The following FRRS1 variants were observed in gnomAD, a reference collection of about 807,000 sequenced individuals.
The protein encoded by FRRS1 is ferric reductase 1.
A neutral mutation model predicts 70.7 loss-of-function variants in FRRS1; 51 were observed. The observed-to-expected ratio is 0.72, with a 90% confidence interval of 0.58 to 0.91. The LOEUF is 0.91. FRRS1 is among the 40% of genes least tolerant of loss of function. The pLI, the probability that FRRS1 is intolerant of heterozygous loss-of-function variation, is 0.00. For missense variants in FRRS1, 672 were observed against 726.0 expected (o/e 0.93, Z 0.86); for synonymous variants, 225 against 238.7 (o/e 0.94, Z 0.53).
At chr1:99,722,296 C>G (rs890588480) in intron 9 of FRRS1, among the ~76,000 whole-genome samples, 2 of 152,166 alleles carry the variant, frequency 1.3e-5, no homozygotes, top group South Asian at 2.1e-4. Context: ...GCATAAGCCA[C>G]TGTGCCTCGC....
At position 99,709,014 on chromosome 1, in the gene FRRS1, A is replaced by G; in HGVS notation, c.*14T>C. On this transcript the variant is annotated 3_prime_UTR_variant, in exon 17 of 17. Transcript: ENST00000646001. Reference sequence around the variant, plus strand: ...ATTATCACTTGGCCTGCAAAAGCCAAGGTCTTTGCTTGCTCATAGATGGTT... The same window carrying G: ...ATTATCACTTGGCCTGCAAAAGCCAGGGTCTTTGCTTGCTCATAGATGGTT... 6.2e-7 allele frequency: 1 copy of G among 1,613,956 alleles called. No individual in the cohort carries two copies.
intron 7 of FRRS1, among the ~76,000 whole-genome samples, chr1:99,735,365 A>G (rs1262041398): frequency 6.6e-5 from 10 of 152,212 alleles, no homozygotes; most frequent in Non-Finnish European, 4.4e-5. Context: ...TAACATACCA[A>G]AATAATTGCT....
intron 10 of FRRS1, among the ~76,000 whole-genome samples, chr1:99,718,823 T>C (rs1453099049): frequency 2.6e-5 from 4 of 152,222 alleles, no homozygotes; most frequent in Admixed American, 1.3e-4. Context: ...GCCACTCTTT[T>C]ATTAGCATTT....
At chr1:99,746,387 A>G (rs138086233) in intron 4 of FRRS1, among the ~76,000 whole-genome samples, 58 of 152,368 alleles carry the variant, frequency 3.8e-4, no homozygotes, top group African/African-American at 1.4e-3. Flanking sequence ...CAAGACAGCC[A>G]TCAAACCCAA....
chr1:99,749,869 G>A (rs1349804891), intron 1 of FRRS1, among the ~76,000 whole-genome samples: 1 of 152,178 alleles, frequency 6.6e-6, no homozygotes, highest in Non-Finnish European at 1.5e-5. Flanking sequence ...GTGATGAGCA[G>A]TGACATGATA....
At position 99,704,342 on chromosome 1, in the gene FRRS1, A is replaced by G. The variant is rs1214102233; in HGVS notation, c.*4686T>C. ...TCCCATTTATAAGGATGGTCAAAAC[A>G]AAAAGATACCAATGTTGGACAGCAA... On this transcript the variant is annotated 3_prime_UTR_variant, in exon 17 of 17. Transcript: ENST00000646001. 1.3e-5 allele frequency among the ~76,000 whole-genome samples: 2 copies of G among 152,212 alleles called. No individual in the cohort carries two copies. Among genetic ancestry groups the G allele is most frequent in the African/African-American group, 2.4e-5 (1 of 41,454 alleles).
In FRRS1 at chr1:99,728,521, T is replaced by C; in HGVS notation, c.978A>G (p.Ile326Met). Residue 326 changes from isoleucine (I) to methionine (M), a missense_variant, in exon 9 of 17, where the codon ATA becomes ATG. Transcript: ENST00000646001. ...CATTAGCTGCACCATCTGCTAGAAA[T>C]ATGTAATAGCTTGTGTTTAGATCAA... The part of the protein sequence containing the change: ...NRFDLNTSYY[I>M]FLADGAANDG... 1.9e-6 allele frequency: 3 copies of C among 1,612,540 alleles called. No homozygotes were observed. The highest frequency in any genetic ancestry group is 2.5e-6 in the Non-Finnish European group (3 of 1,178,706).
At chr1:99,746,395 C>T (rs1267534553) in intron 4 of FRRS1, among the ~76,000 whole-genome samples, 2 of 152,112 alleles carry the variant, frequency 1.3e-5, no homozygotes, top group Non-Finnish European at 2.9e-5. Context: ...CCATCAAACC[C>T]AAAACAATAA....
Position 99,715,686 on chromosome 1 carries a change from T to A in FRRS1, c.1237-14A>T. 2 of 1,586,740 alleles carry A rather than the reference T, an allele frequency of 1.3e-6. No homozygotes were observed. The highest frequency in any genetic ancestry group is 1.7e-6 in the Non-Finnish European group (2 of 1,155,676). On this transcript the variant is annotated splice_polypyrimidine_tract_variant and intron_variant, in intron 11 of 16. Transcript: ENST00000646001. Reference sequence around the variant, plus strand: ...CATCCGATGCACCTGCAAGGTAAAATGACAAATTAAGAAGACACTTATCCA... The same window carrying A: ...CATCCGATGCACCTGCAAGGTAAAAAGACAAATTAAGAAGACACTTATCCA...
At chr1:99,752,315 C>A (rs575611943) in intron 1 of FRRS1, among the ~76,000 whole-genome samples, 1 of 152,304 alleles carries the variant, frequency 6.6e-6, no homozygotes, top group Admixed American at 6.5e-5. Context: ...TTAATCATTT[C>A]TAGCTTTTTA....
At chr1:99,715,941 T>C (rs2100909467) in intron 11 of FRRS1, among the ~76,000 whole-genome samples, 2 of 152,338 alleles carry the variant, frequency 1.3e-5, no homozygotes, top group Middle Eastern at 6.8e-3. Flanking sequence ...GGAATGGATA[T>C]TTCACACACA....
chr1:99,732,798 A>G (rs943424959), intron 7 of FRRS1, among the ~76,000 whole-genome samples: 26 of 151,902 alleles, frequency 1.7e-4, no homozygotes, highest in African/African-American at 6.3e-4. Flanking sequence ...ATAATTCTAT[A>G]ATTACTAAAG....
chr1:99,747,336 A>G lies in FRRS1; in HGVS notation c.291T>C (p.Ile97=). The G allele has an allele frequency of 6.2e-7, 1 of 1,614,050 alleles. No homozygotes were observed. Among genetic ancestry groups the G allele is most frequent in the Non-Finnish European group, 8.5e-7 (1 of 1,179,930 alleles). ...TCAAAAGTTGTGACACTTCACTGTC[A>G]ATCAATGTGAAGGAGCCAATAGGAG... The part of the protein sequence containing the change: ...NGPPIGSFTL[I]DSEVSQLLTC... Residue 97 remains isoleucine, a synonymous_variant, in exon 4 of 17, where the codon ATT becomes ATC. Coordinates refer to ENST00000646001, the MANE Select transcript of FRRS1 (RefSeq NM_001361041.2).
At chr1:99,754,966 G>C (rs2100994831) in intron 1 of FRRS1, among the ~76,000 whole-genome samples, 1 of 152,030 alleles carries the variant, frequency 6.6e-6, no homozygotes, top group South Asian at 2.1e-4. Flanking sequence ...ATGAAAGCTG[G>C]GGAGAATTCT....
At chr1:99,733,521 A>C (rs188436188) in intron 7 of FRRS1, among the ~76,000 whole-genome samples, 8 of 152,352 alleles carry the variant, frequency 5.3e-5, no homozygotes, top group African/African-American at 1.7e-4. Context: ...AAAGTGGTGG[A>C]GACACATCAA....
At chr1:99,737,161 G>A (rs1001376944) in intron 7 of FRRS1, among the ~76,000 whole-genome samples, 29 of 152,064 alleles carry the variant, frequency 1.9e-4, no homozygotes, top group Non-Finnish European at 2.1e-4. Flanking sequence ...TGCTCCCTAG[G>A]AAAGCGAGAT....
At chr1:99,752,589 A>C (rs902579937) in intron 1 of FRRS1, among the ~76,000 whole-genome samples, 4 of 152,150 alleles carry the variant, frequency 2.6e-5, no homozygotes, top group Non-Finnish European at 5.9e-5. Context: ...AGATCACCAT[A>C]ACAGATATAA....
intron 7 of FRRS1, among the ~76,000 whole-genome samples, 173 bp from the exon 8 acceptor site, chr1:99,729,921 A>G (rs12145556): frequency 0.5 from 75,988 of 152,180 alleles, 22,860 homozygotes; most frequent in African/African-American, 0.85. Flanking sequence ...TGATTTGCGA[A>G]TAGCAAATAA....
At position 99,707,022 on chromosome 1, in the gene FRRS1, C is replaced by T. The variant is rs1167458238; in HGVS notation, c.*2006G>A. On this transcript the variant is annotated 3_prime_UTR_variant, in exon 17 of 17. Coordinates refer to ENST00000646001, the MANE Select transcript of FRRS1 (RefSeq NM_001361041.2). Reference sequence around the variant, plus strand: ...TTTAGTACACACTTAATTTGCTATACTAAATTTTTTTAATAAAGACCTTCA... The same window carrying T: ...TTTAGTACACACTTAATTTGCTATATTAAATTTTTTTAATAAAGACCTTCA... Among the ~76,000 whole-genome samples, 1 of 152,114 alleles carries T rather than the reference C, an allele frequency of 6.6e-6. No homozygotes were observed. The highest frequency in any genetic ancestry group is 2.4e-5 in the African/African-American group (1 of 41,494).
Sources: allele counts gnomAD v4.1 joint callset (sites outside exome capture counted in the v4.1 genomes callset), GRCh38; gene constraint gnomAD v4.1.1; transcripts MANE v1.5; gene names NCBI Gene and HGNC (gene_info 2026-07-23, HGNC 2026-07-21).